The following LIPF variants were observed in gnomAD, a reference collection of about 807,000 sequenced individuals.
LIPF encodes the protein lipase F, gastric type, also known as gastric triacylglycerol lipase.
Under a neutral mutation model 38.0 loss-of-function variants are expected in LIPF, and 25 were observed. That is an observed-to-expected ratio of 0.66 (90% confidence interval 0.48 to 0.92). The LOEUF is 0.92. LIPF is among the 40% of genes least tolerant of loss of function. The pLI is 0.00. For missense variants in LIPF, 410 were observed against 469.9 expected, an observed-to-expected ratio of 0.87 and a Z score of 1.18; for synonymous variants, 161 against 156.2, an observed-to-expected ratio of 1.03 and a Z score of -0.23.
At chr10:88,668,816 C>T (rs17287021) in intron 4 of LIPF, 60 bp downstream of exon 4, 23,848 of 1,408,842 alleles carry the variant, frequency 0.017, 394 homozygotes, top group South Asian at 0.064. Context: ...GCATTTGCCC[C>T]TTCTAATCCA....
chr10:88,666,376 A>G (rs937079516), intron 1 of LIPF, among the ~76,000 whole-genome samples: 1 of 152,208 alleles, frequency 6.6e-6, no homozygotes, highest in South Asian at 2.1e-4. Flanking sequence ...TGAATAATTT[A>G]TTTCTGACAC....
chr10:88,671,079 G>A (rs1438987025), intron 5 of LIPF, among the ~76,000 whole-genome samples: 3 of 152,116 alleles, frequency 2.0e-5, no homozygotes, highest in Non-Finnish European at 4.4e-5. Flanking sequence ...ATACTGCAGC[G>A]TTAAACTTGA....
chr10:88,675,744 T>A, intron 8 of LIPF, 87 bp downstream of exon 8: 1 of 884,102 alleles, frequency 1.1e-6, no homozygotes, highest in East Asian at 2.5e-5. Context: ...AATATCCTGC[T>A]GAGTACACCT....
At chr10:88,677,670 T>C (rs1564961992) in intron 9 of LIPF, among the ~76,000 whole-genome samples, 1 of 152,218 alleles carries the variant, frequency 6.6e-6, no homozygotes, top group African/African-American at 2.4e-5. Context: ...CAGAAACTTT[T>C]AGTATATTGG....
Position 88,671,981 on chromosome 10 carries a change from T to C in LIPF, c.669+16T>C, listed in dbSNP as rs1409311603. The C allele has an allele frequency of 2.5e-6, 4 of 1,598,198 alleles. No homozygotes were observed. Among genetic ancestry groups the C allele is most frequent in the Non-Finnish European group, 2.6e-6 (3 of 1,172,256 alleles). ...CCTCTTCAAGGTATGCAATTCTCTT[T>C]AATTAAGTGAATCTAAGACCCTTGA... On this transcript the variant is annotated intron_variant, in intron 6 of 9. Coordinates refer to ENST00000238983, the MANE Select transcript of LIPF (RefSeq NM_004190.4).
chr10:88,666,758 G>A (rs1408157463), intron 1 of LIPF, among the ~76,000 whole-genome samples: 1 of 152,094 alleles, frequency 6.6e-6, no homozygotes, highest in Non-Finnish European at 1.5e-5. Context: ...GCAGAGGTGG[G>A]AAAATCACAT....
At position 88,667,309 on chromosome 10, in the gene LIPF, T is replaced by C. The variant is rs1188353497; in HGVS notation, c.12T>C (p.Leu4=). ...CAGGCAGGTCCAAAATGTGGCTGCT[T>C]TTAACAATGGCAAGTTTGATATCTG... MWL[L]LTMASLISVL... is the part of the protein sequence containing the mutation. The change falls in exon 2 of 10, where the codon CTT becomes CTC. Residue 4 remains leucine (L), a synonymous_variant. Transcript: ENST00000238983. The C allele has an allele frequency of 3.1e-6, 5 of 1,611,060 alleles. No individual in the cohort carries two copies.
chr10:88,674,610 T>G (rs1372490830), intron 7 of LIPF, among the ~76,000 whole-genome samples: 1 of 152,246 alleles, frequency 6.6e-6, no homozygotes, highest in African/African-American at 2.4e-5. Context: ...TGGAACTGAC[T>G]TAAACGTCTC....
intron 9 of LIPF, among the ~76,000 whole-genome samples, chr10:88,677,825 A>G (rs1333316178): frequency 1.3e-5 from 2 of 152,228 alleles, no homozygotes; most frequent in Non-Finnish European, 2.9e-5. Context: ...TTCGAGAAAC[A>G]GGACATGGGG....
intron 6 of LIPF, among the ~76,000 whole-genome samples, chr10:88,672,246 C>T (rs1841611074): frequency 6.6e-6 from 1 of 152,058 alleles, no homozygotes; most frequent in African/African-American, 2.4e-5. Context: ...GCACTCTACA[C>T]AGTTGTGTCA....
chr10:88,665,539 A>G, intron 1 of LIPF: 1 of 1,535,312 alleles, frequency 6.5e-7, no homozygotes, highest in South Asian at 1.2e-5. Context: ...GAGCCCATTG[A>G]GATGTTCTCC....
intron 6 of LIPF, among the ~76,000 whole-genome samples, 200 bp from the exon 7 acceptor site, chr10:88,673,388 G>A (rs567165407): frequency 5.9e-5 from 9 of 152,270 alleles, no homozygotes; most frequent in Admixed American, 4.6e-4. Context: ...TAGATACCTA[G>A]TATTGATATC....
chr10:88,672,670 A>ACACACACACACTCTCT (rs869259093), intron 6 of LIPF, among the ~76,000 whole-genome samples: 77 of 110,546 alleles, frequency 7.0e-4, no homozygotes, highest in African/African-American at 2.4e-3. Flanking sequence ...ACACACACAC[A>ACACACACACACTCTCT]CTCTCTCTCT....
intron 3 of LIPF, among the ~76,000 whole-genome samples, chr10:88,668,169 T>TA (rs1259587743): frequency 2.0e-5 from 3 of 151,948 alleles, no homozygotes; most frequent in Non-Finnish European, 4.4e-5. Context: ...CTAGTACTAT[T>TA]AAAAATTTAC....
chr10:88,668,676 G>T lies in LIPF; in HGVS notation c.342G>T (p.Trp114Cys). Residue 114 changes from tryptophan to cysteine, a missense_variant, in exon 4 of 10, where the codon TGG becomes TGT. Coordinates refer to ENST00000238983, the MANE Select transcript of LIPF (RefSeq NM_004190.4). The part of the protein sequence containing the change: ...FILADAGYDV[W>C]LGNSRGNTWA... ...TGGCAGATGCTGGTTATGATGTGTG[G>T]CTGGGCAACAGCAGAGGAAACACCT... is the stretch of plus-strand genomic sequence containing the variant. 2.5e-6 allele frequency: 4 copies of T among 1,614,148 alleles called. No individual in the cohort carries two copies. Among genetic ancestry groups the T allele is most frequent in the Non-Finnish European group, 3.4e-6 (4 of 1,180,012 alleles).
rs528508127 is a variant in LIPF at position 88,678,345 on chromosome 10, A to G, written c.961-100A>G. On this transcript the variant is annotated intron_variant, in intron 9 of 9. Transcript: ENST00000238983. ...GTGCAATCATTGCTAGAATTCACTT[A>G]TAAAACCGCCAGTTAATGTTATACA... 10 of 877,134 alleles carry G rather than the reference A, an allele frequency of 1.1e-5. No individual in the cohort carries two copies. In the African/African-American group the frequency reaches 1.2e-4, roughly 10 times the overall value. The allele number at this position is 877,134 out of a possible 1,614,324, so 54.3% of individuals were successfully genotyped here.
intron 1 of LIPF, among the ~76,000 whole-genome samples, chr10:88,665,947 C>T (rs1260988904): frequency 6.6e-6 from 1 of 152,008 alleles, no homozygotes; most frequent in Non-Finnish European, 1.5e-5. Context: ...CCGTGTTAGC[C>T]AGGATGGCCT....
At chr10:88,665,002 A>G (rs1841490458) in intron 1 of LIPF, among the ~76,000 whole-genome samples, 1 of 152,210 alleles carries the variant, frequency 6.6e-6, no homozygotes, top group Non-Finnish European at 1.5e-5. Flanking sequence ...AGAAGTCTAG[A>G]CCAAATTATA....
At chr10:88,677,169 G>GC (rs1448661495) in intron 9 of LIPF, among the ~76,000 whole-genome samples, 1 of 151,574 alleles carries the variant, frequency 6.6e-6, no homozygotes, top group Non-Finnish European at 1.5e-5. Flanking sequence ...TAGAGAAGGT[G>GC]CCCCCCAACC....
Sources: gnomAD v4.1 joint callset for allele counts (sites outside exome capture counted in the v4.1 genomes callset) on GRCh38, gnomAD v4.1.1 for gene constraint, MANE v1.5 for transcripts, NCBI Gene and HGNC (gene_info 2026-07-23, HGNC 2026-07-21) for gene names.